Variants in DCAF6 observed in about 807,000 individuals in gnomAD.
DCAF6 encodes the protein DDB1 and CUL4 associated factor 6, also known as DDB1- and CUL4-associated factor 6.
In DCAF6, 54 loss-of-function variants were observed where a neutral mutation model predicts 125.1. That is an observed-to-expected ratio of 0.43 (90% CI 0.35 to 0.54). DCAF6 has a LOEUF of 0.54. Among genes scored for constraint, DCAF6 ranks in the 20% least tolerant of loss-of-function variants. The probability of loss-of-function intolerance (pLI) is 0.01; values close to 1 mark genes in which losing one functional copy is unlikely to be tolerated. For synonymous variants in DCAF6, 371 were observed against 390.4 expected, an observed-to-expected ratio of 0.95 and a Z score of 0.58; for missense variants, 934 against 1,161.7, an observed-to-expected ratio of 0.80 and a Z score of 2.85.
chr1:168,056,943 G>C lies in DCAF6; in HGVS notation c.2300+6010G>C, dbSNP rs12067868. 1.0e-3 allele frequency among the ~76,000 whole-genome samples: 156 copies of C among 152,206 alleles called. 3 individuals are homozygous for C. In the East Asian group the frequency reaches 0.026, roughly 25 times the overall value. ...GCACAGTAAAGAATTTCTTTCTACA[G>C]ATTTATTCAAAATTCGCCAGCTATA... On this transcript the variant is annotated intron_variant, in intron 17 of 21. Coordinates refer to ENST00000367840, the MANE Select transcript of DCAF6 (RefSeq NM_001198956.2).
intron 3 of DCAF6, among the ~76,000 whole-genome samples, chr1:167,970,837 T>C (rs1276258081): frequency 6.6e-6 from 1 of 152,078 alleles, no homozygotes; most frequent in Non-Finnish European, 1.5e-5. Context: ...AAAAAATAGA[T>C]TTAAGAGACT....
intron 20 of DCAF6, among the ~76,000 whole-genome samples, chr1:168,067,657 GC>G (rs1692501308): frequency 6.6e-6 from 1 of 152,184 alleles, no homozygotes; most frequent in Admixed American, 6.5e-5. Context: ...ATTGTGAAGG[GC>G]CCTGTGGGGC....
the DCAF6 span, among the ~76,000 whole-genome samples, chr1:167,864,417 T>A: frequency 6.6e-6 from 1 of 152,196 alleles, no homozygotes; most frequent in Non-Finnish European, 1.5e-5. Context: ...GAAGGAAGCC[T>A]AGACAGGTCC....
intron 11 of DCAF6, among the ~76,000 whole-genome samples, chr1:168,017,231 T>A (rs1420783274): frequency 1.3e-5 from 2 of 151,832 alleles, no homozygotes; most frequent in Admixed American, 1.3e-4. Flanking sequence ...TTTTTGTTTT[T>A]TTTTTTGCTG....
the DCAF6 span, chr1:167,870,229 C>T: frequency 6.2e-7 from 1 of 1,613,538 alleles, no homozygotes; most frequent in Non-Finnish European, 8.5e-7. Flanking sequence ...TATGGGTTCA[C>T]ACAGAACAAT....
At chr1:167,927,464 T>C in the DCAF6 span, among the ~76,000 whole-genome samples, 31 of 152,364 alleles carry the variant, frequency 2.0e-4, no homozygotes, top group African/African-American at 7.0e-4. Flanking sequence ...TATCCTCGCA[T>C]GGAGTTTCGC....
intron 6 of DCAF6, among the ~76,000 whole-genome samples, chr1:167,992,410 T>C (rs552681901): frequency 2.0e-4 from 31 of 152,298 alleles, no homozygotes; most frequent in Admixed American, 7.8e-4. Flanking sequence ...CCAGATGAGA[T>C]CTTTCTTTTC....
Position 167,936,754 on chromosome 1 carries a change from C to T in DCAF6, c.-158C>T. On this transcript the variant is annotated 5_prime_UTR_variant, in exon 1 of 22. Coordinates refer to ENST00000367840, the MANE Select transcript of DCAF6 (RefSeq NM_001198956.2). ...CCCGGGTGCGGCCGGGCTTCAGGGG[C>T]CCAGGCGCCGCTGCTGCCACCGCCA... 1.6e-6 allele frequency: 1 copy of T among 637,316 alleles called. No homozygotes were observed. Among genetic ancestry groups the T allele is most frequent in the South Asian group, 2.0e-5 (1 of 51,150 alleles). 39.5% of individuals were successfully genotyped at this position (637,316 alleles called of 1,614,324 possible).
In DCAF6 at chr1:168,037,147, C is replaced by T. The variant is rs551226835; in HGVS notation, c.1610-1224C>T. 1.2e-4 allele frequency among the ~76,000 whole-genome samples: 18 copies of T among 144,148 alleles called. No homozygotes were observed. In the South Asian group the frequency reaches 3.7e-3, roughly 29 times the overall value. The allele number at this position is 144,148 out of a possible 152,430, so 94.6% of individuals were successfully genotyped here. A position where few individuals can be genotyped will look rare whatever the true frequency, so the allele number is the denominator to read the frequency against. ...GAGATGAGGTCTCACCCAGACTCGA[C>T]TCGAACTCCTGGGCTTAAGGGTTCC... is the stretch of plus-strand genomic sequence containing the variant. On this transcript the variant is annotated intron_variant, in intron 12 of 21. Transcript: ENST00000367840.
chr1:167,872,277 A>G, the DCAF6 span, among the ~76,000 whole-genome samples: 2 of 151,892 alleles, frequency 1.3e-5, no homozygotes, highest in African/African-American at 4.8e-5. Flanking sequence ...GGCGGAGGTT[A>G]CAGTAAGCCG....
the DCAF6 span, chr1:167,896,743 C>G: frequency 7.9e-7 from 1 of 1,261,324 alleles, no homozygotes; most frequent in Non-Finnish European, 1.2e-6. Context: ...CTGTTTAATC[C>G]TTTGAAGTGT....
At chr1:168,014,283 A>G (rs1425827916) in intron 10 of DCAF6, among the ~76,000 whole-genome samples, 4 of 152,184 alleles carry the variant, frequency 2.6e-5, no homozygotes, top group African/African-American at 9.6e-5. Context: ...CTCTTTTAGT[A>G]TACTAGCAGC....
Position 167,987,521 on chromosome 1 carries a change from C to T in DCAF6, c.465C>T (p.Tyr155=), listed in dbSNP as rs139373056. ...YEIMTVPNDP[Y]TFLSCGEDGT... is the part of the protein sequence containing the mutation. ...TTATGACTGTACCCAATGACCCTTA[C>T]ACTTTTCTCTCTTGTGGTGAAGATG... Residue 155 remains tyrosine, a synonymous_variant, in exon 5 of 22, where the codon TAC becomes TAT. Coordinates refer to ENST00000367840, the MANE Select transcript of DCAF6 (RefSeq NM_001198956.2). The T allele has an allele frequency of 4.6e-5, 74 of 1,599,790 alleles. No homozygotes were observed. The highest frequency in any genetic ancestry group is 1.1e-4 in the East Asian group (5 of 44,696).
At chr1:167,865,391 T>C in the DCAF6 span, among the ~76,000 whole-genome samples, 11 of 152,210 alleles carry the variant, frequency 7.2e-5, no homozygotes, top group Admixed American at 6.5e-4. Context: ...CAGGTTTTTC[T>C]TGAAGCACCA....
At chr1:167,974,317 C>A (rs1004536955) in intron 3 of DCAF6, among the ~76,000 whole-genome samples, 1 of 151,934 alleles carries the variant, frequency 6.6e-6, no homozygotes, top group Non-Finnish European at 1.5e-5. Context: ...ATTAAAATAT[C>A]AATTTTAAAC....
chr1:168,034,585 G>T (rs1687564224), intron 12 of DCAF6, among the ~76,000 whole-genome samples: 1 of 152,162 alleles, frequency 6.6e-6, no homozygotes, highest in Non-Finnish European at 1.5e-5. Context: ...TTCATCATCT[G>T]TAAAATGGAG....
chr1:167,897,482 G>A, the DCAF6 span, among the ~76,000 whole-genome samples: 1 of 149,214 alleles, frequency 6.7e-6, no homozygotes, highest in Non-Finnish European at 1.5e-5. Context: ...GGGTGACAGA[G>A]TAAGATTCCA....
chr1:168,036,906 A>G lies in DCAF6; in HGVS notation c.1610-1465A>G, dbSNP rs1218196893. Reference sequence around the variant, plus strand: ...TTGGGATGTCAGGTTTATAATTCACATTATTTTCAAATAGCAATTCTGTAG... The same window carrying G: ...TTGGGATGTCAGGTTTATAATTCACGTTATTTTCAAATAGCAATTCTGTAG... On this transcript the variant is annotated intron_variant, in intron 12 of 21. Transcript: ENST00000367840. Among the ~76,000 whole-genome samples the G allele has an allele frequency of 4.6e-5, 7 of 152,206 alleles. No homozygotes were observed. In the East Asian group the frequency reaches 9.6e-4, roughly 21 times the overall value.
At chr1:167,918,594 CTTTT>C in the DCAF6 span, among the ~76,000 whole-genome samples, 2 of 133,188 alleles carry the variant, frequency 1.5e-5, no homozygotes, top group Admixed American at 7.9e-5. Context: ...CTGCCAAAAA[CTTTT>C]TTTTTTTTTT....
Sources: allele counts gnomAD v4.1 joint callset (sites outside exome capture counted in the v4.1 genomes callset), GRCh38; gene constraint gnomAD v4.1.1; transcripts MANE v1.5; gene names NCBI Gene and HGNC (gene_info 2026-07-23, HGNC 2026-07-21).